CEP295: variants seen among roughly 807,000 people sequenced by gnomAD.
CEP295 encodes centrosomal protein 295.
In CEP295, 190 loss-of-function variants were observed where a neutral mutation model predicts 291.6. That is an observed-to-expected ratio of 0.65 (90% CI 0.58 to 0.73). The LOEUF is 0.73. Among genes scored for constraint, CEP295 ranks in the 30% least tolerant of loss-of-function variants. The pLI, the probability that CEP295 is intolerant of heterozygous loss-of-function variation, is 0.00. For missense variants in CEP295, 2,863 were observed against 2,949.4 expected (o/e 0.97, Z 0.68); for synonymous variants, 993 against 1,038.8 (o/e 0.96, Z 0.85).
intron 23 of CEP295, 21 bp downstream of exon 23, chr11:93,725,852 A>T: frequency 6.5e-7 from 1 of 1,540,524 alleles, no homozygotes; most frequent in Non-Finnish European, 8.8e-7. Flanking sequence ...CTAAGTTAGA[A>T]AAAGTTAATT....
In CEP295 at chr11:93,720,489, A is replaced by AAAAAAAG. The variant is rs34039567; in HGVS notation, c.5750-822_5750-821insAAAAAGA. On this transcript the variant is annotated intron_variant, in intron 18 of 29. Transcript: ENST00000325212. ...AGTCTGCCTCAAAAAAAAAAAAAAA[A>AAAAAAAG]ACTGTCTCTAAAAAAATGAAATAAA... Among the ~76,000 whole-genome samples, 644 of 121,306 alleles carry AAAAAAAG rather than the reference A, an allele frequency of 5.3e-3. 58 individuals are homozygous for AAAAAAAG. The East Asian group carries it at 0.054, about 10-fold the overall frequency. The allele number at this position is 121,306 out of a possible 152,430, so 79.6% of individuals were successfully genotyped here.
intron 5 of CEP295, among the ~76,000 whole-genome samples, chr11:93,674,806 T>C (rs1158501268): frequency 6.6e-6 from 1 of 152,244 alleles, no homozygotes; most frequent in East Asian, 1.9e-4. Flanking sequence ...TGTGTAATCG[T>C]TAGAACTTCT....
Position 93,698,232 on chromosome 11 carries a change from A to G in CEP295, c.3320A>G (p.Gln1107Arg). The change falls in exon 15 of 30, where the codon CAG (glutamine) becomes CGG (arginine). Residue 1107 changes from glutamine (Q) to arginine (R), a missense_variant. Gln to Arg is a conservative substitution (Grantham distance 43, BLOSUM62 1). This residue lies in a region of CEP295 where 2,295 missense variants were observed against 2,335.7 expected (regional missense o/e 0.98). Coordinates refer to ENST00000325212, the MANE Select transcript of CEP295 (RefSeq NM_033395.2). ...VSSSSSPVVV[Q>R]HSVASQASAK... Reference sequence around the variant, plus strand: ...TCTTCATCCTCACCAGTGGTTGTTCAGCATTCAGTTGCTTCACAAGCTTCT... The same window carrying G: ...TCTTCATCCTCACCAGTGGTTGTTCGGCATTCAGTTGCTTCACAAGCTTCT... 2 of 1,551,882 alleles carry G rather than the reference A, an allele frequency of 1.3e-6. No individual in the cohort carries two copies. Among genetic ancestry groups the G allele is most frequent in the Non-Finnish European group, 1.7e-6 (2 of 1,147,004 alleles).
Position 93,691,945 on chromosome 11 carries a change from C to T in CEP295, c.1448C>T (p.Pro483Leu), listed in dbSNP as rs956884524. ...CCCCTAGAAATAAATGAGACTCTGC[C>T]TATCACAACTGTAGCTCAGAGTTCA... The part of the protein sequence containing the change: ...GKEQEINETL[P>L]ITTVAQSSVL... The change falls in exon 12 of 30, where the codon CCT becomes CTT. Residue 483 changes from proline (P) to leucine (L), a missense_variant. Pro to Leu is a moderately conservative substitution (Grantham distance 98, BLOSUM62 -3). Around this residue, in one of 3 missense-constraint regions of CEP295, gnomAD observed 554 missense variants for 576.0 expected, o/e 0.96. Transcript: ENST00000325212. 1.4e-5 allele frequency: 21 copies of T among 1,541,756 alleles called. No homozygotes were observed. Among genetic ancestry groups the T allele is most frequent in the Middle Eastern group, 1.7e-4 (1 of 5,996 alleles).
intron 18 of CEP295, among the ~76,000 whole-genome samples, chr11:93,720,142 C>T (rs1953589577): frequency 6.7e-6 from 1 of 149,416 alleles, no homozygotes; most frequent in Admixed American, 6.7e-5. Context: ...AGGATCACTT[C>T]AGGCTAGCAG....
rs1302421377 is a variant in CEP295 at position 93,669,787 on chromosome 11, A to C, written c.528+17A>C. On this transcript the variant is annotated intron_variant, in intron 5 of 29. Coordinates refer to ENST00000325212, the MANE Select transcript of CEP295 (RefSeq NM_033395.2). ...CTTTTTGAGGTGAGTTTGAGTATTA[A>C]GAGGAACTAGGTCATAATTCTTCTT... The C allele has an allele frequency of 1.7e-5, 25 of 1,467,314 alleles. No individual in the cohort carries two copies. In the Admixed American group the frequency reaches 4.3e-4, roughly 25 times the overall value. The allele number at this position is 1,467,314 out of a possible 1,614,324, so 90.9% of individuals were successfully genotyped here.
intron 7 of CEP295, among the ~76,000 whole-genome samples, chr11:93,681,403 ATTTTTTTTTTTTTTTTT>A (rs71064773): frequency 6.0e-4 from 22 of 36,534 alleles, no homozygotes; most frequent in Admixed American, 2.9e-3. Flanking sequence ...CACCCAGCTA[ATTTTTTTTTTTTTTTTT>A]TTTTTTTTTT....
At chr11:93,704,984 C>G (rs183895862) in intron 17 of CEP295, among the ~76,000 whole-genome samples, 1 of 152,010 alleles carries the variant, frequency 6.6e-6, no homozygotes, top group African/African-American at 2.4e-5. Flanking sequence ...TTTTTTGCTG[C>G]GGAGTCCATT....
At chr11:93,720,684 C>A (rs1376745827) in intron 18 of CEP295, among the ~76,000 whole-genome samples, 3 of 152,014 alleles carry the variant, frequency 2.0e-5, no homozygotes, top group African/African-American at 4.8e-5. Flanking sequence ...CCTCCGCCTC[C>A]CAGGCTCAAG....
At chr11:93,710,221 A>T (rs1386527509) in intron 18 of CEP295, among the ~76,000 whole-genome samples, 1 of 151,998 alleles carries the variant, frequency 6.6e-6, no homozygotes, top group Non-Finnish European at 1.5e-5. Context: ...ATCTTAGAGG[A>T]AAGGCTTTCA....
At chr11:93,684,969 C>T (rs1951156685) in intron 9 of CEP295, among the ~76,000 whole-genome samples, 1 of 152,170 alleles carries the variant, frequency 6.6e-6, no homozygotes, top group Admixed American at 6.5e-5. Context: ...TCTCTATCTC[C>T]AACATTCTGA....
Position 93,729,979 on chromosome 11 carries a change from ATTTTTT to A in CEP295, c.7667+21_7667+26del. 2 of 1,389,796 alleles carry A rather than the reference ATTTTTT, an allele frequency of 1.4e-6. No homozygotes were observed. The allele number at this position is 1,389,796 out of a possible 1,614,324, so 86.1% of individuals were successfully genotyped here. A position where few individuals can be genotyped will look rare whatever the true frequency, so the allele number is the denominator to read the frequency against. On this transcript the variant is annotated intron_variant, in intron 28 of 29. Transcript: ENST00000325212. Reference sequence around the variant, plus strand: ...ACCAAAGGGGTCTAAGGTAGGGTTAATTTTTTTTTTTTTTTTAGTGATTCACTTTTT... The same window carrying A: ...ACCAAAGGGGTCTAAGGTAGGGTTAATTTTTTTTTTAGTGATTCACTTTTT...
intron 18 of CEP295, 21 bp from the exon 19 acceptor site, chr11:93,721,291 A>G: frequency 6.9e-7 from 1 of 1,447,648 alleles, no homozygotes. Context: ...CCCATCTTGA[A>G]CTCCAAAATC....
Position 93,698,971 on chromosome 11 carries a change from A to C in CEP295, c.4059A>C (p.Ala1353=). 1 of 1,550,948 alleles carries C rather than the reference A, an allele frequency of 6.4e-7. No individual in the cohort carries two copies. Residue 1353 remains alanine, a synonymous_variant, in exon 15 of 30, where the codon GCA becomes GCC. Transcript: ENST00000325212. ...LIQPQQDNLK[A]LQEQLATQRE... ...AGCCTCAACAAGATAATTTGAAGGC[A>C]CTTCAAGAACAGTTAGCTACACAGA...
At chr11:93,683,510 C>A in intron 7 of CEP295, 49 bp from the exon 8 acceptor site, 1 of 1,324,912 alleles carries the variant, frequency 7.5e-7, no homozygotes, top group Admixed American at 3.1e-5. Context: ...TTAATATTAC[C>A]ATACAAAGTT....
In CEP295 at chr11:93,697,614, C is replaced by A; in HGVS notation, c.2702C>A (p.Pro901His). 1 of 1,551,836 alleles carries A rather than the reference C, an allele frequency of 6.4e-7. No individual in the cohort carries two copies. The highest frequency in any genetic ancestry group is 1.4e-5 in the African/African-American group (1 of 73,182). The change falls in exon 15 of 30, where the codon CCT (proline) becomes CAT (histidine). Residue 901 changes from proline (P) to histidine (H), a missense_variant. Transcript: ENST00000325212. ...LVTPDSSALL[P>H]SAKADLGRIQ... The stretch of plus-strand genomic sequence containing the variant: ...ACTCCAGATTCATCTGCTTTATTGC[C>A]TTCTGCCAAAGCAGATTTGGGGAGA...
rs113059415 is a variant in CEP295, at chr11:93,699,975, C to T, written c.5063C>T (p.Pro1688Leu). Reference protein sequence around the residue: ...HAAPPSNPVIPGFQDRLLSFS... With the variant: ...HAAPPSNPVILGFQDRLLSFS... ...GCCCCCCCAAGTAATCCTGTGATCCCAGGGTTTCAAGATAGACTTTTGAGT... is the reference window on the plus strand; with the variant it reads ...GCCCCCCCAAGTAATCCTGTGATCCTAGGGTTTCAAGATAGACTTTTGAGT... The change falls in exon 15 of 30, where the codon CCA (proline) becomes CTA (leucine). Residue 1688 changes from proline to leucine, a missense_variant. By Grantham distance (98) the Pro-to-Leu change is moderately conservative. This residue lies in a region of CEP295 where 2,295 missense variants were observed against 2,335.7 expected (regional missense o/e 0.98). Transcript: ENST00000325212. The T allele has an allele frequency of 2.1e-5, 32 of 1,551,682 alleles. No homozygotes were observed. The African/African-American group carries it at 3.3e-4, about 16-fold the overall frequency.
chr11:93,726,993 G>T lies in CEP295; in HGVS notation c.6517G>T (p.Glu2173Ter). 2 of 1,521,210 alleles carry T rather than the reference G, an allele frequency of 1.3e-6. No individual in the cohort carries two copies. Among genetic ancestry groups the T allele is most frequent in the South Asian group, 1.3e-5 (1 of 78,906 alleles). 94.2% of individuals were successfully genotyped at this position (1,521,210 alleles called of 1,614,324 possible). ...NIIGGSEQCF[E>*]QLQPEYSSQE... is the part of the protein sequence containing the mutation. ...TAATGCAGGATCTGAACAATGTTTT[G>T]AACAGCTTCAGCCAGAATATTCTTC... Residue 2173 changes from glutamate to a stop codon, truncating the protein, a stop_gained, in exon 24 of 30, where the codon GAA becomes TAA. Coordinates refer to ENST00000325212, the MANE Select transcript of CEP295 (RefSeq NM_033395.2). LOFTEE classifies it high-confidence loss of function.
chr11:93,714,325 A>G (rs1953095834), intron 18 of CEP295, among the ~76,000 whole-genome samples: 1 of 152,186 alleles, frequency 6.6e-6, no homozygotes, highest in Admixed American at 6.5e-5. Flanking sequence ...ATCTCAGCTC[A>G]CTGCAACTTC....
Sources: gnomAD v4.1 joint callset for allele counts (sites outside exome capture counted in the v4.1 genomes callset) on GRCh38, gnomAD v4.1.1 for gene constraint, gnomAD v4.1.1 regional missense constraint, MANE v1.5 for transcripts, NCBI Gene and HGNC (gene_info 2026-07-23, HGNC 2026-07-21) for gene names.